The following NHSL1 variants were observed in gnomAD, a reference collection of about 807,000 sequenced individuals.
NHSL1 encodes NHS-like protein 1.
A neutral mutation model predicts 95.0 loss-of-function variants in NHSL1; 48 were observed. That is an observed-to-expected ratio of 0.51 (90% confidence interval 0.40 to 0.64). The LOEUF is 0.64. Among genes scored for constraint, NHSL1 ranks in the 30% least tolerant of loss-of-function variants. The pLI, the probability that NHSL1 is intolerant of heterozygous loss-of-function variation, is 0.00. For synonymous variants in NHSL1, 783 were observed against 833.9 expected, an observed-to-expected ratio of 0.94 and a Z score of 1.05; for missense variants, 1,971 against 2,077.7, an observed-to-expected ratio of 0.95 and a Z score of 1.00.
At position 138,508,994 on chromosome 6, in the gene NHSL1, T is replaced by G. The variant is rs1583327193; in HGVS notation, c.17-12623A>C. Among the ~76,000 whole-genome samples, 5 of 152,344 alleles carry G rather than the reference T, an allele frequency of 3.3e-5. No individual in the cohort carries two copies. The South Asian group carries it at 1.0e-3, about 32-fold the overall frequency. On this transcript the variant is annotated intron_variant, in intron 1 of 4. Coordinates refer to the NHSL1 transcript ENST00000342260. The stretch of plus-strand genomic sequence containing the variant: ...AAGGCTATACTAGGTATATAAAGGC[T>G]CATTTCAGGAGAGAAATAATGTATA...
chr6:138,684,151 G>T (rs2114791943), intron 1 of NHSL1, among the ~76,000 whole-genome samples: 1 of 150,650 alleles, frequency 6.6e-6, no homozygotes, highest in African/African-American at 2.4e-5. Flanking sequence ...GGCAGAGGTT[G>T]CAGTGAGCCG....
At chr6:138,659,832 A>C (rs977992623) in intron 1 of NHSL1, among the ~76,000 whole-genome samples, 2 of 151,076 alleles carry the variant, frequency 1.3e-5, no homozygotes. Context: ...ATCTCACTTC[A>C]GCCTCCTGAG....
chr6:138,499,205 G>C, intron 1 of NHSL1, 28 bp downstream of exon 1: 1 of 1,395,328 alleles, frequency 7.2e-7, no homozygotes, highest in Non-Finnish European at 9.9e-7. Flanking sequence ...GCACACAATA[G>C]GTAGTAGAGA....
At chr6:138,688,300 T>TTTAAAAAGAAAG (rs1562413735) in intron 1 of NHSL1, among the ~76,000 whole-genome samples, 1 of 151,972 alleles carries the variant, frequency 6.6e-6, no homozygotes, top group African/African-American at 2.4e-5. Context: ...AAATTTTATT[T>TTTAAAAAGAAAG]CAACAAAACT....
chr6:138,597,391 C>T (rs1784315920), intron 1 of NHSL1, among the ~76,000 whole-genome samples: 3 of 152,266 alleles, frequency 2.0e-5, no homozygotes, highest in South Asian at 2.1e-4. Context: ...GTAAAATCTA[C>T]GTAACTATTG....
At chr6:138,463,849 A>G (rs1186272432) in intron 3 of NHSL1, among the ~76,000 whole-genome samples, 4 of 152,100 alleles carry the variant, frequency 2.6e-5, no homozygotes, top group African/African-American at 4.8e-5. Context: ...CACTCAATCT[A>G]AAATGGCAGT....
intron 5 of NHSL1, among the ~76,000 whole-genome samples, chr6:138,435,457 A>C (rs1776012834): frequency 6.6e-6 from 1 of 152,200 alleles, no homozygotes; most frequent in Non-Finnish European, 1.5e-5. Context: ...ATAGAAATAC[A>C]GCTATTTTAT....
exon 1 of NHSL1, chr6:138,572,434 A>T (rs1332936255): frequency 6.5e-6 from 1 of 153,094 alleles, no homozygotes; most frequent in Non-Finnish European, 1.5e-5. Context: ...TTTACAGTTC[A>T]CCCACACGGT....
At chr6:138,434,037 G>A (rs1299648744) in intron 5 of NHSL1, among the ~76,000 whole-genome samples, 1 of 152,100 alleles carries the variant, frequency 6.6e-6, no homozygotes, top group Non-Finnish European at 1.5e-5. Context: ...TTCGCCCACT[G>A]GGTGACTGTG....
At chr6:138,572,137 T>A (rs1037112944) in exon 1 of NHSL1, 1 of 478,746 alleles carries the variant, frequency 2.1e-6, no homozygotes, top group Non-Finnish European at 3.7e-6. Context: ...CCTAGCCACA[T>A]TGTGGACTCC....
At chr6:138,488,686 A>T (rs930567314) in intron 2 of NHSL1, among the ~76,000 whole-genome samples, 1 of 152,198 alleles carries the variant, frequency 6.6e-6, no homozygotes, top group Non-Finnish European at 1.5e-5. Flanking sequence ...CGATGAGCCA[A>T]TTTGCATTTC....
intron 1 of NHSL1, among the ~76,000 whole-genome samples, chr6:138,629,386 TTTC>T (rs1287018013): frequency 3.1e-4 from 27 of 85,914 alleles, no homozygotes; most frequent in South Asian, 8.4e-4. Flanking sequence ...TCTTTCTTTC[TTTC>T]TTTTTTTTTT....
At chr6:138,527,852 C>T (rs1284041886) in intron 1 of NHSL1, among the ~76,000 whole-genome samples, 1 of 152,192 alleles carries the variant, frequency 6.6e-6, no homozygotes, top group Non-Finnish European at 1.5e-5. Flanking sequence ...TAGGGAATTA[C>T]CATCTGTGTA....
At position 138,433,700 on chromosome 6, in the gene NHSL1, A is replaced by G; in HGVS notation, c.665-20T>C. The G allele has an allele frequency of 2.0e-6, 3 of 1,497,442 alleles. No individual in the cohort carries two copies. Among genetic ancestry groups the G allele is most frequent in the Non-Finnish European group, 1.8e-6 (2 of 1,116,278 alleles). 92.8% of individuals were successfully genotyped at this position (1,497,442 alleles called of 1,614,324 possible). A position where few individuals can be genotyped will look rare whatever the true frequency, so the allele number is the denominator to read the frequency against. On this transcript the variant is annotated intron_variant, in intron 5 of 7. Transcript: ENST00000343505. Reference sequence around the variant, plus strand: ...CTGATGCTGGAGATAAAGCAGAAAGAGGCTTGTTACCTGAAAATAAAATCC... The same window carrying G: ...CTGATGCTGGAGATAAAGCAGAAAGGGGCTTGTTACCTGAAAATAAAATCC...
chr6:138,424,003 A>C lies in NHSL1; in HGVS notation c.*78T>G. On this transcript the variant is annotated 3_prime_UTR_variant, in exon 8 of 8. Transcript: ENST00000343505. The surrounding 1 kb of genome is among the most constrained non-coding windows in gnomAD (Gnocchi z 5.9). ...GTGGGCTCCCCGGGTGAGCCAGGGA[A>C]GGGCGCCTAGCAGGCTTCCTAGAGT... 7.9e-7 allele frequency: 1 copy of C among 1,267,144 alleles called. No individual in the cohort carries two copies. The highest frequency in any genetic ancestry group is 1.0e-6 in the Non-Finnish European group (1 of 1,003,786). The allele number at this position is 1,267,144 out of a possible 1,614,324, so 78.5% of individuals were successfully genotyped here.
At chr6:138,453,848 TA>T (rs1405948966) in intron 3 of NHSL1, among the ~76,000 whole-genome samples, 1 of 152,084 alleles carries the variant, frequency 6.6e-6, no homozygotes, top group Non-Finnish European at 1.5e-5. Context: ...CACCAGGCCC[TA>T]AGAGCTCTAA....
Position 138,431,459 on chromosome 6 carries a change from G to T in NHSL1, c.2886C>A (p.Gly962=), listed in dbSNP as rs760002199. 1 of 1,551,020 alleles carries T rather than the reference G, an allele frequency of 6.4e-7. No individual in the cohort carries two copies. Among genetic ancestry groups the T allele is most frequent in the South Asian group, 1.2e-5 (1 of 84,008 alleles). ...ACACAGGAGAGTGAGGCAGAGGAGA[G>T]CCCTGGGAGCAATCTGTGACAGGAG... ...PPPPVTDCSQ[G]SPLPHSPVFP... is the part of the protein sequence containing the mutation. Residue 962 remains glycine (G), a synonymous_variant, in exon 6 of 8, where the codon GGC becomes GGA. Transcript: ENST00000343505. This position sits in a 1 kb window ranked among gnomAD's most constrained non-coding sequence, Gnocchi z 4.0.
At chr6:138,644,269 G>A (rs1784990547) in intron 1 of NHSL1, among the ~76,000 whole-genome samples, 1 of 152,166 alleles carries the variant, frequency 6.6e-6, no homozygotes, top group Non-Finnish European at 1.5e-5. Context: ...TTGGGAGGCT[G>A]AGGAAGGTCG....
intron 3 of NHSL1, among the ~76,000 whole-genome samples, chr6:138,467,878 C>A (rs1387965344): frequency 6.6e-6 from 1 of 152,118 alleles, no homozygotes; most frequent in African/African-American, 2.4e-5. Flanking sequence ...AAAAAAGTTA[C>A]AATAAGCTAA....
Sources: gnomAD v4.1 joint callset for allele counts (sites outside exome capture counted in the v4.1 genomes callset) on GRCh38, gnomAD v4.1.1 for gene constraint, Gnocchi (gnomAD v3.1) non-coding constraint, MANE v1.5 for transcripts, NCBI Gene and HGNC (gene_info 2026-07-23, HGNC 2026-07-21) for gene names.